The following COL9A1 variants were observed in gnomAD, a reference collection of about 807,000 sequenced individuals.
The protein encoded by COL9A1 is collagen alpha-1(IX) chain.
Under a neutral mutation model 142.6 loss-of-function variants are expected in COL9A1, and 104 were observed. That is an observed-to-expected ratio of 0.73 (90% CI 0.62 to 0.86). COL9A1 has a LOEUF of 0.86. Ranked by LOEUF, COL9A1 falls within the 40% of genes least tolerant of loss-of-function variation. COL9A1 has a pLI of 0.00. For missense variants in COL9A1, 1,210 were observed against 1,176.6 expected (o/e 1.03, Z -0.42); for synonymous variants, 466 against 396.0 (o/e 1.18, Z -2.10).
intron 28 of COL9A1, among the ~76,000 whole-genome samples, chr6:70,245,425 C>T (rs759306952): frequency 2.0e-5 from 3 of 152,114 alleles, no homozygotes; most frequent in East Asian, 1.9e-4. Flanking sequence ...CAACCTCAGG[C>T]GTAAACGGGT....
At chr6:70,270,213 G>GA in intron 15 of COL9A1, 101 bp downstream of exon 15, 1 of 1,202,258 alleles carries the variant, frequency 8.3e-7, no homozygotes, top group Non-Finnish European at 1.2e-6. Context: ...GGAAATTTGG[G>GA]ACAATGACTC....
At chr6:70,302,645 G>A (rs750988472) in intron 1 of COL9A1, among the ~76,000 whole-genome samples, 6 of 151,836 alleles carry the variant, frequency 4.0e-5, no homozygotes, top group Admixed American at 2.0e-4. Context: ...CTTTGTCTCT[G>A]GTTTCTTTCA....
At chr6:70,267,938 C>T (rs1287176691) in intron 17 of COL9A1, among the ~76,000 whole-genome samples, 1 of 152,174 alleles carries the variant, frequency 6.6e-6, no homozygotes, top group African/African-American at 2.4e-5. Flanking sequence ...CAGATCACAG[C>T]AGAGCTCCAT....
chr6:70,239,149 AG>A, intron 33 of COL9A1, 104 bp downstream of exon 33: 1 of 836,582 alleles, frequency 1.2e-6, no homozygotes, highest in East Asian at 2.7e-5. Flanking sequence ...AAAAAAAAAA[AG>A]AATTGAATGT....
chr6:70,229,296 CA>C (rs1280020969), intron 36 of COL9A1, among the ~76,000 whole-genome samples: 1 of 152,074 alleles, frequency 6.6e-6, no homozygotes, highest in Non-Finnish European at 1.5e-5. Context: ...TTGAGATGTA[CA>C]AAAACCAGCT....
chr6:70,256,907 G>T, intron 20 of COL9A1, 86 bp from the exon 21 acceptor site: 2 of 1,306,486 alleles, frequency 1.5e-6, no homozygotes, highest in Non-Finnish European at 2.2e-6. Context: ...AAATTTAATA[G>T]CCAGATGAAA....
chr6:70,236,683 T>C (rs979946369), intron 33 of COL9A1, among the ~76,000 whole-genome samples: 2 of 152,194 alleles, frequency 1.3e-5, no homozygotes, highest in Non-Finnish European at 2.9e-5. Flanking sequence ...TTCATCTAAG[T>C]CAACTTGCCA....
At chr6:70,251,459 A>C (rs182052311) in intron 28 of COL9A1, among the ~76,000 whole-genome samples, 1 of 152,322 alleles carries the variant, frequency 6.6e-6, no homozygotes, top group Non-Finnish European at 1.5e-5. Context: ...AGGCAGGAGG[A>C]CTGCATGAGC....
chr6:70,300,457 TAAAA>T, intron 2 of COL9A1, 71 bp from the exon 3 acceptor site: 1 of 583,584 alleles, frequency 1.7e-6, no homozygotes, highest in South Asian at 4.7e-5. Context: ...TAAAATAAAA[TAAAA>T]TAATAATAAT....
chr6:70,290,020 T>C (rs1436733611), intron 5 of COL9A1, among the ~76,000 whole-genome samples: 1 of 152,174 alleles, frequency 6.6e-6, no homozygotes, highest in Non-Finnish European at 1.5e-5. Context: ...ACGCATTTGA[T>C]AATATACTTT....
At chr6:70,219,628 G>A (rs961085467) in intron 37 of COL9A1, among the ~76,000 whole-genome samples, 2 of 152,218 alleles carry the variant, frequency 1.3e-5, no homozygotes, top group Non-Finnish European at 2.9e-5. Flanking sequence ...TAAGTGTTGG[G>A]GAGACCAAAG....
chr6:70,231,159 T>A (rs1345440182), intron 36 of COL9A1, among the ~76,000 whole-genome samples: 1 of 152,174 alleles, frequency 6.6e-6, no homozygotes, highest in Non-Finnish European at 1.5e-5. Context: ...ACAAGGTCCC[T>A]GGTGACTCCG....
At chr6:70,260,756 G>GT (rs1771627720) in intron 19 of COL9A1, 46 bp from the exon 20 acceptor site, 1 of 1,595,384 alleles carries the variant, frequency 6.3e-7, no homozygotes, top group Non-Finnish European at 8.6e-7. Context: ...TTGAAGCAAA[G>GT]ATTTTTAAAA....
At chr6:70,232,401 G>A (rs947150847) in intron 36 of COL9A1, among the ~76,000 whole-genome samples, 182 bp downstream of exon 36, 1 of 152,204 alleles carries the variant, frequency 6.6e-6, no homozygotes, top group Admixed American at 6.5e-5. Flanking sequence ...TGGTAGAGCA[G>A]GGTCAAGGGA....
intron 28 of COL9A1, among the ~76,000 whole-genome samples, chr6:70,251,277 G>T (rs1770923356): frequency 6.6e-6 from 1 of 152,194 alleles, no homozygotes; most frequent in African/African-American, 2.4e-5. Flanking sequence ...GGGCATGGTA[G>T]CTCATGTCTG....
intron 36 of COL9A1, among the ~76,000 whole-genome samples, chr6:70,227,637 CAT>C (rs1353834791): frequency 6.6e-6 from 1 of 151,936 alleles, no homozygotes; most frequent in African/African-American, 2.4e-5. Flanking sequence ...AGGAATTTAT[CAT>C]AGAGATAAAG....
chr6:70,258,253 C>G (rs1030469662), intron 20 of COL9A1, among the ~76,000 whole-genome samples: 1 of 152,070 alleles, frequency 6.6e-6, no homozygotes, highest in Non-Finnish European at 1.5e-5. Flanking sequence ...AATGAGGCAG[C>G]CTTCTAATGA....
Position 70,294,368 on chromosome 6 carries a change from T to C in COL9A1, c.495A>G (p.Gln165=). The C allele has an allele frequency of 6.2e-7, 1 of 1,614,094 alleles. No individual in the cohort carries two copies. Among genetic ancestry groups the C allele is most frequent in the Non-Finnish European group, 8.5e-7 (1 of 1,179,968 alleles). ...FSYKGLDGSL[Q]TAAFSNLSSL... is the part of the protein sequence containing the mutation. ...AGGACAAATTCGAAAAGGCTGCTGT[T>C]TGGAGACTTCCATCCAGTCCCTTGT... is the stretch of plus-strand genomic sequence containing the variant. Residue 165 remains glutamine, a synonymous_variant, in exon 5 of 38, where the codon CAA becomes CAG. Transcript: ENST00000357250.
At chr6:70,215,091 C>G (rs1233836191), downstream of COL9A1, 1 of 151,936 alleles carries the variant, frequency 6.6e-6, no homozygotes, top group African/African-American at 2.4e-5. Context: ...AATTATGTGT[C>G]ACAGCTCCTG....
Sources: gnomAD v4.1 joint callset for allele counts (sites outside exome capture counted in the v4.1 genomes callset) on GRCh38, gnomAD v4.1.1 for gene constraint, MANE v1.5 for transcripts, NCBI Gene and HGNC (gene_info 2026-07-23, HGNC 2026-07-21) for gene names.